CACNA1E: variants seen among roughly 807,000 people sequenced by gnomAD.
CACNA1E encodes the protein calcium voltage-gated channel subunit alpha1 E.
CACNA1E carries 40 observed loss-of-function variants against 259.2 expected under a neutral mutation model. The observed-to-expected ratio is 0.15, with a 90% confidence interval of 0.12 to 0.20. The LOEUF is 0.20. Ranked by LOEUF, CACNA1E falls within the 10% of genes least tolerant of loss-of-function variation. CACNA1E has a pLI of 1.00. For synonymous variants in CACNA1E, 1,104 were observed against 1,138.5 expected, an observed-to-expected ratio of 0.97 and a Z score of 0.61; for missense variants, 1,874 against 3,040.1, an observed-to-expected ratio of 0.62 and a Z score of 9.02.
Position 181,545,534 on chromosome 1 carries a change from C to G in CACNA1E, c.513-32232C>G, listed in dbSNP as rs550300047. On this transcript the variant is annotated intron_variant, in intron 3 of 47. Transcript: ENST00000367573. ...ACACTGAGGTGGGAGATTTCCTCCT[C>G]CCACGTGAGGGTGTGGTCTTGACTA... is the stretch of plus-strand genomic sequence containing the variant. Among the ~76,000 whole-genome samples, 20 of 152,244 alleles carry G rather than the reference C, an allele frequency of 1.3e-4. No individual in the cohort carries two copies. The South Asian group carries it at 4.1e-3, about 32-fold the overall frequency.
At chr1:181,649,490 A>G (rs527517033) in intron 6 of CACNA1E, among the ~76,000 whole-genome samples, 20 of 152,180 alleles carry the variant, frequency 1.3e-4, no homozygotes, top group Non-Finnish European at 2.5e-4. Flanking sequence ...CAGCAATCCC[A>G]TTACTGGGTT....
intron 25 of CACNA1E, among the ~76,000 whole-genome samples, chr1:181,745,996 G>C (rs1657046309): frequency 6.6e-6 from 1 of 152,158 alleles, no homozygotes; most frequent in Non-Finnish European, 1.5e-5. Flanking sequence ...AGCTCGTTGA[G>C]GTCCATGTGC....
chr1:181,565,173 C>A (rs1649694969), intron 3 of CACNA1E, among the ~76,000 whole-genome samples: 1 of 152,122 alleles, frequency 6.6e-6, no homozygotes, highest in Non-Finnish European at 1.5e-5. Context: ...ACTTTGGTTT[C>A]TTATCTAGAT....
In CACNA1E at chr1:181,700,061, C is replaced by T. The variant is rs115746301; in HGVS notation, c.1056-10893C>T. 6.6e-3 allele frequency among the ~76,000 whole-genome samples: 1,012 copies of T among 152,206 alleles called. 17 individuals carry two copies. Among genetic ancestry groups the T allele is most frequent in the African/African-American group, 0.023 (935 of 41,520 alleles). On this transcript the variant is annotated intron_variant, in intron 7 of 47. Coordinates refer to ENST00000367573, the MANE Select transcript of CACNA1E (RefSeq NM_001205293.3). ...TGGAAGTCTCCATGGGCCTGTGCAA[C>T]GTCACCTGGAGGGAGAATGTTTTAG... is the stretch of plus-strand genomic sequence containing the variant.
chr1:181,761,105 C>G (rs1658540009), intron 32 of CACNA1E, among the ~76,000 whole-genome samples: 1 of 152,132 alleles, frequency 6.6e-6, no homozygotes, highest in South Asian at 2.1e-4. Context: ...TCCATATGCC[C>G]CATAGGTACA....
intron 6 of CACNA1E, among the ~76,000 whole-genome samples, chr1:181,607,990 C>T (rs547569444): frequency 1.3e-5 from 2 of 152,272 alleles, no homozygotes; most frequent in East Asian, 1.9e-4. Flanking sequence ...ATTTCTAGTC[C>T]TGGGCCTGAA....
chr1:181,408,948 C>T (rs1043349698), intron 1 of CACNA1E, among the ~76,000 whole-genome samples: 1 of 152,134 alleles, frequency 6.6e-6, no homozygotes, highest in Non-Finnish European at 1.5e-5. Context: ...CTGGGTCCAC[C>T]CCTCATTCTC....
chr1:181,548,132 T>TCTTTTC (rs202033903), intron 3 of CACNA1E, among the ~76,000 whole-genome samples: 1 of 145,736 alleles, frequency 6.9e-6, no homozygotes, highest in African/African-American at 2.7e-5. Flanking sequence ...TTTTTTTCTT[T>TCTTTTC]TTTTTTTTTT....
chr1:181,610,214 T>G (rs922381021), intron 6 of CACNA1E, among the ~76,000 whole-genome samples: 2 of 152,228 alleles, frequency 1.3e-5, no homozygotes, highest in African/African-American at 2.4e-5. Flanking sequence ...CTGGGCATAC[T>G]TCCTGAAGGC....
At chr1:181,784,638 A>T in intron 40 of CACNA1E, 23 bp from the exon 41 acceptor site, 1 of 1,477,786 alleles carries the variant, frequency 6.8e-7, no homozygotes, top group Non-Finnish European at 9.3e-7. Flanking sequence ...TATTCTATTT[A>T]TTAGTAATTT....
chr1:181,359,778 AT>A, intron 1 of CACNA1E, among the ~76,000 whole-genome samples: 1 of 152,246 alleles, frequency 6.6e-6, no homozygotes, highest in Middle Eastern at 3.4e-3. Flanking sequence ...AAGAAATGTA[AT>A]TTTATTTATT....
chr1:181,370,524 T>C (rs572388301), intron 1 of CACNA1E, among the ~76,000 whole-genome samples: 49 of 152,312 alleles, frequency 3.2e-4, no homozygotes, highest in African/African-American at 1.2e-3. Context: ...AGTGAGAACA[T>C]GTGGTATTTG....
At chr1:181,663,681 C>T (rs1318245976) in intron 7 of CACNA1E, among the ~76,000 whole-genome samples, 1 of 152,110 alleles carries the variant, frequency 6.6e-6, no homozygotes, top group Non-Finnish European at 1.5e-5. Context: ...TGGAGATCCT[C>T]GAAAAACCTG....
At chr1:181,700,848 G>A (rs1032922165) in intron 7 of CACNA1E, among the ~76,000 whole-genome samples, 2 of 152,258 alleles carry the variant, frequency 1.3e-5, no homozygotes, top group South Asian at 2.1e-4. Flanking sequence ...GTTAGCCCAC[G>A]CCGAGCCTCT....
At position 181,795,011 on chromosome 1, in the gene CACNA1E, C is replaced by T. The variant is rs750165512; in HGVS notation, c.6175C>T (p.Arg2059Trp). 8 of 1,613,834 alleles carry T rather than the reference C, an allele frequency of 5.0e-6. No individual in the cohort carries two copies. Among genetic ancestry groups the T allele is most frequent in the African/African-American group, 1.3e-5 (1 of 74,926 alleles). ...TCGCCGGAGTTACCACTCCTCCTTGCGGCTGTCAGCCCACCGCCTGAACTC... is the reference window on the plus strand; with the variant it reads ...TCGCCGGAGTTACCACTCCTCCTTGTGGCTGTCAGCCCACCGCCTGAACTC... ...SRRRSYHSSL[R>W]LSAHRLNSDS... Residue 2059 changes from arginine (R) to tryptophan (W), a missense_variant, in exon 46 of 48, where the codon CGG becomes TGG. Physicochemically the swap from Arg to Trp is moderately radical, Grantham distance 101. This residue lies in a region of CACNA1E where 542 missense variants were observed against 587.2 expected (regional missense o/e 0.92). Transcript: ENST00000367573.
intron 7 of CACNA1E, among the ~76,000 whole-genome samples, chr1:181,673,175 G>A (rs1648980575): frequency 6.6e-6 from 1 of 152,114 alleles, no homozygotes; most frequent in South Asian, 2.1e-4. Flanking sequence ...GGGAAACTGG[G>A]ACATAGATAC....
rs77870815 is a variant in CACNA1E at position 181,473,503 on chromosome 1, C to T, written c.435-10241C>T. 6.5e-3 allele frequency among the ~76,000 whole-genome samples: 982 copies of T among 152,246 alleles called. 3 individuals carry two copies. The highest frequency in any genetic ancestry group is 0.02 in the Middle Eastern group (6 of 294). ...GCAGTAGGAGGAGCAGGTTGGGCTA[C>T]GAATGTATCATCACATTTGGTTTAT... On this transcript the variant is annotated intron_variant, in intron 2 of 11. Transcript: ENST00000524607.
intron 18 of CACNA1E, among the ~76,000 whole-genome samples, chr1:181,727,597 A>G (rs1655028920): frequency 6.6e-6 from 1 of 152,218 alleles, no homozygotes; most frequent in African/African-American, 2.4e-5. Flanking sequence ...AGCTACAGGT[A>G]GTCGGCCTGG....
chr1:181,573,811 C>G (rs1650663562), intron 3 of CACNA1E, among the ~76,000 whole-genome samples: 1 of 152,166 alleles, frequency 6.6e-6, no homozygotes, highest in African/African-American at 2.4e-5. Context: ...ATTCTGTTAT[C>G]AAGATACATA....
Sources: allele counts gnomAD v4.1 joint callset (sites outside exome capture counted in the v4.1 genomes callset), GRCh38; gene constraint gnomAD v4.1.1; regional missense constraint gnomAD v4.1.1; transcripts MANE v1.5; gene names NCBI Gene and HGNC (gene_info 2026-07-23, HGNC 2026-07-21).